Variants in CCNB3 observed in about 807,000 individuals in gnomAD.
The protein encoded by CCNB3 is cyclin B3.
A neutral mutation model predicts 68.0 loss-of-function variants in CCNB3; 12 were observed. The observed-to-expected ratio is 0.18, with a 90% confidence interval of 0.11 to 0.29. The LOEUF is 0.29. Among genes scored for constraint, CCNB3 ranks in the 10% least tolerant of loss-of-function variants. CCNB3 has a pLI of 1.00. For missense variants in CCNB3, 904 were observed against 993.1 expected (o/e 0.91, Z 1.21); for synonymous variants, 354 against 388.9 (o/e 0.91, Z 1.06).
chrX:50,211,270 AAAAACAAAAC>A (rs1293004079), intron 1 of CCNB3, among the ~76,000 whole-genome samples: 2 of 111,635 alleles, frequency 1.8e-5, no homozygotes, highest in African/African-American at 6.5e-5. Context: ...CTCAAAAGAA[AAAAACAAAAC>A]AAAACAAAAC....
At chrX:50,302,945 A>G (rs1936682198) in intron 5 of CCNB3, among the ~76,000 whole-genome samples, 1 of 111,375 alleles carries the variant, frequency 9.0e-6, no homozygotes, top group African/African-American at 3.3e-5. Context: ...TTTTGTTTGA[A>G]AACTTGTTTT....
chrX:50,305,458 A>G (rs182080101), intron 5 of CCNB3, among the ~76,000 whole-genome samples: 4 of 110,731 alleles, frequency 3.6e-5, no homozygotes, highest in East Asian at 5.7e-4. Flanking sequence ...TGAACAATGA[A>G]AACACATGGA....
chrX:50,298,459 G>T (rs1231306911), intron 5 of CCNB3, among the ~76,000 whole-genome samples: 2 of 111,918 alleles, frequency 1.8e-5, no homozygotes, highest in African/African-American at 6.5e-5. Context: ...TGTTGAACCA[G>T]CCTTGCATCC....
At chrX:50,327,621 C>T (rs1557217465) in intron 8 of CCNB3, among the ~76,000 whole-genome samples, 1 of 112,299 alleles carries the variant, frequency 8.9e-6, no homozygotes, top group African/African-American at 3.2e-5. Flanking sequence ...CCTTAGAGAA[C>T]TGCTGCTTTC....
intron 1 of CCNB3, among the ~76,000 whole-genome samples, chrX:50,226,873 A>AATATATATAGAATATATAGT (rs1935845682): frequency 5.0e-4 from 33 of 65,520 alleles, no homozygotes; most frequent in Non-Finnish European, 7.4e-4. Context: ...GAATATATAG[A>AATATATATAGAATATATAGT]ATATATATAG....
chrX:50,205,180 G>A (rs191831576), intron 1 of CCNB3, among the ~76,000 whole-genome samples: 360 of 112,342 alleles, frequency 3.2e-3, no homozygotes, highest in Non-Finnish European at 5.4e-3. Flanking sequence ...GGTGGCTCAC[G>A]CCTGTAATCC....
chrX:50,317,295 T>A (rs1487755561), intron 8 of CCNB3, among the ~76,000 whole-genome samples: 1 of 111,761 alleles, frequency 8.9e-6, no homozygotes, highest in Non-Finnish European at 1.9e-5. Context: ...GTTACGAGAG[T>A]TCTTTATGTA....
chrX:50,319,299 A>C (rs1921894804), intron 8 of CCNB3, among the ~76,000 whole-genome samples: 2 of 110,003 alleles, frequency 1.8e-5, no homozygotes, highest in African/African-American at 6.6e-5. Flanking sequence ...ATTTATTTAA[A>C]TTTTCTTTGA....
intron 1 of CCNB3, among the ~76,000 whole-genome samples, chrX:50,228,296 CATAT>C (rs1232711158): frequency 1.2e-3 from 93 of 78,420 alleles, no homozygotes; most frequent in African/African-American, 3.5e-3. Flanking sequence ...TATATAAATA[CATAT>C]ATAGAGAATA....
Position 50,322,802 on chromosome X carries a change from A to G in CCNB3, c.3516+8854A>G, listed in dbSNP as rs1307619550. On this transcript the variant is annotated intron_variant, in intron 8 of 12. Coordinates refer to ENST00000376042, the MANE Select transcript of CCNB3 (RefSeq NM_033031.3). ...TCAAAAGAAGACATTTATGCAGCCA[A>G]AAAACACATGAAAAAATGCTCATCA... Among the ~76,000 whole-genome samples, 5 of 112,069 alleles carry G rather than the reference A, an allele frequency of 4.5e-5. No homozygotes were observed. In the East Asian group the frequency reaches 1.1e-3, roughly 25 times the overall value.
rs782423420 is a variant in CCNB3, at chrX:50,310,072, C to T, written c.1903C>T (p.Leu635Phe). 2 of 1,208,082 alleles carry T rather than the reference C, an allele frequency of 1.7e-6. No homozygotes were observed. The highest frequency in any genetic ancestry group is 2.2e-6 in the Non-Finnish European group (2 of 893,826). Residue 635 changes from leucine (L) to phenylalanine (F), a missense_variant, in exon 6 of 13, where the codon CTC becomes TTC. Physicochemically the swap from Leu to Phe is conservative, Grantham distance 22 (BLOSUM62 0). Coordinates refer to ENST00000376042, the MANE Select transcript of CCNB3 (RefSeq NM_033031.3). ...KMKSTTEEKF[L>F]SQEPSALKEK... ...GAAATCTACAACGGAAGAAAAGTTC[C>T]TCTCCCAGGAACCATCTGCATTGAA...
intron 11 of CCNB3, among the ~76,000 whole-genome samples, chrX:50,348,416 TG>T (rs1923512380): frequency 8.9e-6 from 1 of 112,117 alleles, no homozygotes; most frequent in South Asian, 3.8e-4. Flanking sequence ...GGAGTATGCT[TG>T]CAAATGCAGC....
chrX:50,227,544 A>C (rs1351137507), intron 1 of CCNB3, among the ~76,000 whole-genome samples: 1 of 57,141 alleles, frequency 1.8e-5, no homozygotes, highest in East Asian at 5.1e-4. Flanking sequence ...ATATAAATAT[A>C]TAGAGAGAGA....
intron 9 of CCNB3, among the ~76,000 whole-genome samples, chrX:50,345,465 A>C: frequency 1.1e-5 from 1 of 88,598 alleles, no homozygotes; most frequent in East Asian, 3.6e-4. Flanking sequence ...TTGCTCCCTC[A>C]CCTGCTCTCT....
chrX:50,210,749 T>C (rs1462272251), intron 1 of CCNB3, among the ~76,000 whole-genome samples: 1 of 112,013 alleles, frequency 8.9e-6, no homozygotes, highest in African/African-American at 3.2e-5. Flanking sequence ...TTCACTGATA[T>C]ACTGTCTGCA....
At chrX:50,304,485 C>T (rs979237186) in intron 5 of CCNB3, among the ~76,000 whole-genome samples, 63 of 111,467 alleles carry the variant, frequency 5.7e-4, no homozygotes, top group Admixed American at 2.2e-3. Context: ...TTCCTTACAC[C>T]TTATACAAAA....
intron 8 of CCNB3, among the ~76,000 whole-genome samples, chrX:50,332,569 A>T (rs190623862): frequency 9.0e-6 from 1 of 111,414 alleles, no homozygotes; most frequent in Non-Finnish European, 1.9e-5. Flanking sequence ...TCCGGGTGTG[A>T]CTGGAGCAGG....
intron 1 of CCNB3, among the ~76,000 whole-genome samples, chrX:50,279,716 A>G (rs1223028010): frequency 1.1e-5 from 1 of 91,492 alleles, no homozygotes; most frequent in Non-Finnish European, 2.1e-5. Flanking sequence ...ATGTATATTC[A>G]TATATGTAAA....
chrX:50,341,213 C>G (rs1423403233), intron 8 of CCNB3, among the ~76,000 whole-genome samples: 1 of 109,237 alleles, frequency 9.2e-6, no homozygotes, highest in African/African-American at 3.3e-5. Flanking sequence ...GCCTGTAGTC[C>G]CGGCTACCCG....
Sources: allele counts gnomAD v4.1 joint callset (sites outside exome capture counted in the v4.1 genomes callset), GRCh38; gene constraint gnomAD v4.1.1; transcripts MANE v1.5; gene names NCBI Gene and HGNC (gene_info 2026-07-23, HGNC 2026-07-21).